Variants in PALM2AKAP2 observed in about 807,000 individuals in gnomAD.
PALM2AKAP2 encodes PALM2 and AKAP2 fusion, also known as PALM2-AKAP2 fusion protein.
In PALM2AKAP2, 37 loss-of-function variants were observed where a neutral mutation model predicts 71.5. The ratio of observed to expected loss-of-function variants is 0.52; its 90% CI spans 0.40 to 0.68. The LOEUF is 0.68. Among genes scored for constraint, PALM2AKAP2 ranks in the 30% least tolerant of loss-of-function variants. The pLI is 0.00. For synonymous variants in PALM2AKAP2, 468 were observed against 478.8 expected, an observed-to-expected ratio of 0.98 and a Z score of 0.29; for missense variants, 1,224 against 1,191.8, an observed-to-expected ratio of 1.03 and a Z score of -0.40.
At chr9:109,923,459 T>C (rs1830883217) in intron 3 of PALM2AKAP2, among the ~76,000 whole-genome samples, 1 of 152,212 alleles carries the variant, frequency 6.6e-6, no homozygotes, top group African/African-American at 2.4e-5. Context: ...TGCACATGCA[T>C]GGTGTTGGCA....
chr9:110,138,099 A>G, exon 2 of PALM2AKAP2: 2 of 1,614,188 alleles, frequency 1.2e-6, no homozygotes, highest in Non-Finnish European at 1.7e-6. Context: ...GAAAAGCCTC[A>G]GAGCATGTTT....
At chr9:109,868,103 G>T (rs1419802719) in intron 2 of PALM2AKAP2, among the ~76,000 whole-genome samples, 2 of 152,186 alleles carry the variant, frequency 1.3e-5, no homozygotes, top group Non-Finnish European at 2.9e-5. Flanking sequence ...AATTTTGAAA[G>T]TGTTCTGTGA....
chr9:110,137,633 TTGA>T (rs747861760), exon 2 of PALM2AKAP2: 6 of 1,614,098 alleles, frequency 3.7e-6, no homozygotes, highest in Non-Finnish European at 4.2e-6. Context: ...CAATGTCTCC[TTGA>T]CCCAAGAGGA....
intron 1 of PALM2AKAP2, among the ~76,000 whole-genome samples, chr9:110,115,000 G>A (rs528500760): frequency 2.0e-5 from 3 of 152,248 alleles, no homozygotes; most frequent in South Asian, 4.1e-4. Flanking sequence ...ACTGCTCCCC[G>A]TATCCCTGCT....
chr9:110,137,475 G>A, exon 2 of PALM2AKAP2: 3 of 1,614,100 alleles, frequency 1.9e-6, no homozygotes, highest in Non-Finnish European at 2.5e-6. Context: ...GCCTCTCAGG[G>A]GAAGGAAGGG....
intron 1 of PALM2AKAP2, among the ~76,000 whole-genome samples, chr9:110,132,647 A>G (rs1588126836): frequency 1.3e-5 from 2 of 149,868 alleles, no homozygotes; most frequent in Non-Finnish European, 3.0e-5. Context: ...AGACAGTCTC[A>G]CTTCCTCACC....
chr9:109,833,224 A>G (rs187505833), intron 1 of PALM2AKAP2, among the ~76,000 whole-genome samples: 28 of 152,272 alleles, frequency 1.8e-4, no homozygotes, highest in Admixed American at 9.8e-4. Flanking sequence ...GTGTGGTGGC[A>G]CACACCTGTA....
At chr9:109,707,992 G>A (rs1323429369) in intron 1 of PALM2AKAP2, among the ~76,000 whole-genome samples, 1 of 152,014 alleles carries the variant, frequency 6.6e-6, no homozygotes, top group Non-Finnish European at 1.5e-5. Flanking sequence ...GATCTTCATG[G>A]CCCCTTCTCC....
chr9:109,984,229 C>T (rs1832331719), intron 6 of PALM2AKAP2, among the ~76,000 whole-genome samples: 1 of 152,284 alleles, frequency 6.6e-6, no homozygotes, highest in East Asian at 1.9e-4. Flanking sequence ...AAATACATCT[C>T]TAAATAATGA....
chr9:110,167,803 G>C (rs970469319), intron 3 of PALM2AKAP2, among the ~76,000 whole-genome samples: 1 of 152,078 alleles, frequency 6.6e-6, no homozygotes, highest in Non-Finnish European at 1.5e-5. Context: ...ATCCACACTG[G>C]TCCCATTGTT....
intron 1 of PALM2AKAP2, among the ~76,000 whole-genome samples, chr9:109,840,697 C>T (rs576014473): frequency 1.5e-4 from 23 of 152,140 alleles, no homozygotes; most frequent in African/African-American, 3.9e-4. Context: ...CCAATCAACA[C>T]GTGGGCAAAG....
chr9:109,990,067 C>T (rs978873497), intron 6 of PALM2AKAP2, among the ~76,000 whole-genome samples: 133 of 134,108 alleles, frequency 9.9e-4, no homozygotes, highest in African/African-American at 3.6e-3. Flanking sequence ...TTCTTTCTTT[C>T]TTTTTTTTTT....
intron 3 of PALM2AKAP2, among the ~76,000 whole-genome samples, chr9:109,893,518 A>T (rs1830134291): frequency 6.6e-6 from 1 of 152,180 alleles, no homozygotes; most frequent in Non-Finnish European, 1.5e-5. Context: ...ATCTTAGCTC[A>T]CTGCAACCTC....
At chr9:109,880,626 C>T (rs752297384) in exon 3 of PALM2AKAP2, 22 of 1,613,854 alleles carry the variant, frequency 1.4e-5, no homozygotes, top group Admixed American at 6.7e-5. Flanking sequence ...AGCCAGGAGG[C>T]GGCAGTCTGA....
At chr9:109,696,126 C>T (rs906004917) in intron 1 of PALM2AKAP2, among the ~76,000 whole-genome samples, 5 of 151,730 alleles carry the variant, frequency 3.3e-5, no homozygotes, top group African/African-American at 1.2e-4. Context: ...TCAAATGTAC[C>T]CCCAAAATAT....
chr9:110,024,030 C>T (rs775327642), intron 7 of PALM2AKAP2, among the ~76,000 whole-genome samples: 15 of 152,032 alleles, frequency 9.9e-5, no homozygotes, highest in Admixed American at 2.0e-4. Context: ...ATATCATTTC[C>T]GTAAGGGTCA....
intron 1 of PALM2AKAP2, among the ~76,000 whole-genome samples, chr9:109,739,735 T>C (rs1163994789): frequency 6.6e-6 from 1 of 152,232 alleles, no homozygotes; most frequent in Admixed American, 6.5e-5. Flanking sequence ...CTTTGAGGTC[T>C]CTAGTTCTGA....
intron 7 of PALM2AKAP2, among the ~76,000 whole-genome samples, chr9:110,035,001 A>C (rs1272539221): frequency 6.6e-6 from 1 of 151,836 alleles, no homozygotes; most frequent in Non-Finnish European, 1.5e-5. Context: ...GGAGAGAAAA[A>C]TGAAAGGTCA....
chr9:110,104,260 A>G (rs1835066091), intron 1 of PALM2AKAP2, among the ~76,000 whole-genome samples: 1 of 151,912 alleles, frequency 6.6e-6, no homozygotes, highest in African/African-American at 2.4e-5. Flanking sequence ...TTTTGTTGGG[A>G]TTTCAGATGT....
Sources: allele counts gnomAD v4.1 joint callset (sites outside exome capture counted in the v4.1 genomes callset), GRCh38; gene constraint gnomAD v4.1.1; transcripts MANE v1.5; gene names NCBI Gene and HGNC (gene_info 2026-07-23, HGNC 2026-07-21).